Variants in CRKL observed in about 807,000 individuals in gnomAD.
CRKL encodes the protein CRK like proto-oncogene, adaptor protein, also known as crk-like protein.
CRKL carries 3 observed loss-of-function variants against 23.0 expected under a neutral mutation model. That is an observed-to-expected ratio of 0.13 (90% CI 0.06 to 0.34). CRKL has a LOEUF of 0.34. CRKL is among the 10% of genes least tolerant of loss of function. CRKL has a pLI of 1.00. For missense variants in CRKL, 256 were observed against 394.5 expected, an observed-to-expected ratio of 0.65 and a Z score of 2.97; for synonymous variants, 188 against 160.7, an observed-to-expected ratio of 1.17 and a Z score of -1.28.
intron 1 of CRKL, among the ~76,000 whole-genome samples, chr22:20,919,689 C>G (rs1315829678): frequency 6.6e-6 from 1 of 152,040 alleles, no homozygotes; most frequent in Non-Finnish European, 1.5e-5. Context: ...TCTTAAACAT[C>G]TATTTTAAAA....
chr22:20,919,471 CCAAG>C (rs1364360088), intron 1 of CRKL, among the ~76,000 whole-genome samples: 1 of 152,140 alleles, frequency 6.6e-6, no homozygotes, highest in Admixed American at 6.6e-5. Flanking sequence ...CGCAAAGTGA[CCAAG>C]CATTCTCTTT....
At chr22:20,948,939 C>G (rs1035270955) in intron 2 of CRKL, among the ~76,000 whole-genome samples, 2 of 152,126 alleles carry the variant, frequency 1.3e-5, no homozygotes, top group Non-Finnish European at 2.9e-5. Flanking sequence ...AGAGTAACAC[C>G]CTGTCTACAA....
chr22:20,941,547 T>C (rs929263348), intron 2 of CRKL, among the ~76,000 whole-genome samples: 1 of 19,718 alleles, frequency 5.1e-5, no homozygotes, highest in East Asian at 3.1e-3. Flanking sequence ...TATGTGTGTG[T>C]GTGTGTGTGT....
chr22:20,936,033 A>G (rs1445777185), intron 2 of CRKL, among the ~76,000 whole-genome samples: 5 of 151,990 alleles, frequency 3.3e-5, no homozygotes, highest in Non-Finnish European at 5.9e-5. Flanking sequence ...GTGGGCATGC[A>G]CCTGTAGCCT....
At chr22:20,941,590 T>A (rs550344059) in intron 2 of CRKL, among the ~76,000 whole-genome samples, 1,016 of 52,852 alleles carry the variant, frequency 0.019, 47 homozygotes, top group African/African-American at 0.048. Context: ...ATATATATAT[T>A]TTTTTTTTTT....
At position 20,949,929 on chromosome 22, in the gene CRKL, C is replaced by A. The variant is rs2147918798; in HGVS notation, c.*84C>A. On this transcript the variant is annotated 3_prime_UTR_variant, in exon 3 of 3. Coordinates refer to ENST00000354336, the MANE Select transcript of CRKL (RefSeq NM_005207.4). ...GTGGGAAAGCATTTTCTCTCATAGG[C>A]AAGTCACACTGCATTGCCGAAGTCC... 6.6e-7 allele frequency: 1 copy of A among 1,509,954 alleles called. No individual in the cohort carries two copies. The highest frequency in any genetic ancestry group is 8.8e-7 in the Non-Finnish European group (1 of 1,130,582). The allele number at this position is 1,509,954 out of a possible 1,614,324, so 93.5% of individuals were successfully genotyped here.
At chr22:20,942,519 A>C (rs1440508039) in intron 2 of CRKL, among the ~76,000 whole-genome samples, 2 of 152,184 alleles carry the variant, frequency 1.3e-5, no homozygotes, top group Non-Finnish European at 2.9e-5. Context: ...ATGGTGAATA[A>C]TGCTGCAGTG....
chr22:20,940,507 C>G (rs1479350509), intron 2 of CRKL, among the ~76,000 whole-genome samples: 1 of 151,212 alleles, frequency 6.6e-6, no homozygotes, highest in Admixed American at 6.6e-5. Flanking sequence ...ACTCTTACTG[C>G]TGTTTGCCAG....
At chr22:20,937,198 G>A (rs1921696555) in intron 2 of CRKL, among the ~76,000 whole-genome samples, 1 of 152,186 alleles carries the variant, frequency 6.6e-6, no homozygotes, top group Non-Finnish European at 1.5e-5. Context: ...CTAGGCACAG[G>A]TGCATGCCTC....
intron 1 of CRKL, among the ~76,000 whole-genome samples, chr22:20,927,363 G>T (rs1298038860): frequency 6.7e-6 from 1 of 148,342 alleles, no homozygotes; most frequent in Non-Finnish European, 1.5e-5. Context: ...GCTAATTTTT[G>T]TATTTTTAGT....
chr22:20,918,590 CT>C (rs1929777804), intron 1 of CRKL, among the ~76,000 whole-genome samples: 1 of 126,080 alleles, frequency 7.9e-6, no homozygotes, highest in African/African-American at 2.9e-5. Context: ...TTCTAAAAAC[CT>C]CTTTTTTTTT....
At chr22:20,921,191 A>G (rs2147894419) in intron 1 of CRKL, among the ~76,000 whole-genome samples, 1 of 152,320 alleles carries the variant, frequency 6.6e-6, no homozygotes. Flanking sequence ...ATCAAAACTG[A>G]GCTTTTAAAG....
intron 2 of CRKL, among the ~76,000 whole-genome samples, chr22:20,943,344 A>G (rs1388249970): frequency 1.3e-5 from 2 of 151,680 alleles, no homozygotes; most frequent in Non-Finnish European, 2.9e-5. Context: ...GATTCAAGCA[A>G]TTCTCCTGCC....
rs1375611822 is a variant in CRKL at position 20,930,629 on chromosome 22, G to A, written c.312-3150G>A. On this transcript the variant is annotated intron_variant, in intron 1 of 2. Transcript: ENST00000354336. ...ACTCCTGACCTCAAGTGATCCTCCC[G>A]CCTCGGCCTCCCAGTGTTGGGATTA... is the stretch of plus-strand genomic sequence containing the variant. Among the ~76,000 whole-genome samples, 12 of 142,502 alleles carry A rather than the reference G, an allele frequency of 8.4e-5. No homozygotes were observed. In the South Asian group the frequency reaches 1.8e-3, roughly 21 times the overall value. 93.5% of individuals were successfully genotyped at this position (142,502 alleles called of 152,430 possible).
At chr22:20,941,588 A>ATATATATATT (rs1247116681) in intron 2 of CRKL, among the ~76,000 whole-genome samples, 4 of 33,552 alleles carry the variant, frequency 1.2e-4, no homozygotes, top group African/African-American at 4.8e-4. Flanking sequence ...GTATATATAT[A>ATATATATATT]TTTTTTTTTT....
intron 1 of CRKL, among the ~76,000 whole-genome samples, chr22:20,923,886 A>C (rs1921088958): frequency 6.6e-6 from 1 of 151,986 alleles, no homozygotes; most frequent in Non-Finnish European, 1.5e-5. Context: ...CTACTAAAAA[A>C]AAAAAAAATG....
chr22:20,922,353 C>G lies in CRKL; in HGVS notation c.311+4108C>G, dbSNP rs531268282. Among the ~76,000 whole-genome samples, 159 of 151,944 alleles carry G rather than the reference C, an allele frequency of 1.0e-3. 1 individual carries two copies. Among genetic ancestry groups the G allele is most frequent in the African/African-American group, 3.6e-3 (149 of 41,464 alleles). On this transcript the variant is annotated intron_variant, in intron 1 of 2. Transcript: ENST00000354336. ...GTGTTTCTTAAAGGAGAAAGGGGGA[C>G]ATATAAAATGAGTTTGGAGATAAAG...
intron 1 of CRKL, 87 bp downstream of exon 1, chr22:20,918,332 G>A (rs1161744419): frequency 9.8e-6 from 14 of 1,427,428 alleles, no homozygotes; most frequent in Non-Finnish European, 1.1e-5. Flanking sequence ...GGGCGCGCTT[G>A]AACCCATATT....
chr22:20,933,393 A>G (rs572202419), intron 1 of CRKL, among the ~76,000 whole-genome samples: 37 of 149,948 alleles, frequency 2.5e-4, no homozygotes, highest in African/African-American at 8.6e-4. Flanking sequence ...GAGGCCGGGC[A>G]TGGTGGCTCA....
Sources: allele counts gnomAD v4.1 joint callset (sites outside exome capture counted in the v4.1 genomes callset), GRCh38; gene constraint gnomAD v4.1.1; transcripts MANE v1.5; gene names NCBI Gene and HGNC (gene_info 2026-07-23, HGNC 2026-07-21).